RBM20: variants seen among roughly 807,000 people sequenced by gnomAD.
RBM20 encodes the protein RNA binding motif protein 20.
A neutral mutation model predicts 110.1 loss-of-function variants in RBM20; 51 were observed. The observed-to-expected ratio is 0.46, with a 90% CI of 0.37 to 0.59. The LOEUF is 0.59. RBM20 is among the 20% of genes least tolerant of loss of function. RBM20 has a pLI of 0.00. For missense variants in RBM20, 1,512 were observed against 1,574.9 expected (o/e 0.96, Z 0.68); for synonymous variants, 589 against 618.2 (o/e 0.95, Z 0.70).
intron 1 of RBM20, among the ~76,000 whole-genome samples, chr10:110,714,705 A>C (rs1464223709): frequency 6.6e-6 from 1 of 152,202 alleles, no homozygotes; most frequent in Non-Finnish European, 1.5e-5. Context: ...CAGGTGAGGC[A>C]GTCCTTCCTG....
At chr10:110,669,112 T>C (rs1483567143) in intron 1 of RBM20, among the ~76,000 whole-genome samples, 1 of 152,214 alleles carries the variant, frequency 6.6e-6, no homozygotes, top group African/African-American at 2.4e-5. Flanking sequence ...AAATCTTCCT[T>C]CGTTTTTTCT....
rs77222484 is a variant in RBM20 at position 110,836,327 on chromosome 10, C to T, written c.*349C>T. 1.2e-5 allele frequency: 2 copies of T among 165,720 alleles called. No homozygotes were observed. The highest frequency in any genetic ancestry group is 3.4e-4 in the East Asian group (2 of 5,836). The allele number at this position is 165,720 out of a possible 1,614,324, so 10.3% of individuals were successfully genotyped here. A position where few individuals can be genotyped will look rare whatever the true frequency, so the allele number is the denominator to read the frequency against. ...TTCCTTTTCACAAAACCCAACTTCT[C>T]AGGGATTTTCACAGTGTTTAAATTC... On this transcript the variant is annotated 3_prime_UTR_variant, in exon 14 of 14. Coordinates refer to ENST00000369519, the MANE Select transcript of RBM20 (RefSeq NM_001134363.3).
At chr10:110,764,288 A>G (rs1246087666) in intron 1 of RBM20, among the ~76,000 whole-genome samples, 1 of 144,090 alleles carries the variant, frequency 6.9e-6, no homozygotes, top group African/African-American at 2.6e-5. Context: ...CAAACAAACA[A>G]ACAGACCACC....
intron 1 of RBM20, among the ~76,000 whole-genome samples, chr10:110,722,195 GATTA>G (rs1217493774): frequency 3.3e-5 from 5 of 152,158 alleles, no homozygotes; most frequent in Non-Finnish European, 5.9e-5. Context: ...GATTTGAAAT[GATTA>G]ATGGGAAGAT....
intron 1 of RBM20, among the ~76,000 whole-genome samples, chr10:110,767,116 ACC>A (rs1170862405): frequency 1.6e-5 from 1 of 62,340 alleles, no homozygotes; most frequent in Non-Finnish European, 3.2e-5. Context: ...GGGGCGGCTG[ACC>A]CCCCCCACCT....
At chr10:110,802,621 T>C (rs1171420146) in intron 7 of RBM20, among the ~76,000 whole-genome samples, 1 of 152,210 alleles carries the variant, frequency 6.6e-6, no homozygotes. Context: ...TACCAAAGCA[T>C]AGCAATACCT....
chr10:110,697,164 G>A (rs7078088), intron 1 of RBM20, among the ~76,000 whole-genome samples: 2,402 of 152,222 alleles, frequency 0.016, 70 homozygotes, highest in African/African-American at 0.055. Context: ...AGATTTAAAA[G>A]TTGGGGGATT....
intron 1 of RBM20, among the ~76,000 whole-genome samples, chr10:110,775,276 A>T (rs1170298367): frequency 6.6e-6 from 1 of 152,236 alleles, no homozygotes; most frequent in East Asian, 1.9e-4. Context: ...GAAATGGCGC[A>T]TTCACCACTC....
intron 1 of RBM20, among the ~76,000 whole-genome samples, chr10:110,658,258 G>T (rs1160953018): frequency 6.6e-6 from 1 of 152,202 alleles, no homozygotes; most frequent in Non-Finnish European, 1.5e-5. Flanking sequence ...GTTCGGTGGA[G>T]CAGGGGAAAC....
intron 12 of RBM20, among the ~76,000 whole-genome samples, chr10:110,825,635 A>G (rs1564666167): frequency 1.3e-5 from 2 of 152,198 alleles, no homozygotes. Context: ...TAGAGAACAC[A>G]TTCTTTTTAA....
At chr10:110,801,160 G>A (rs1844617518) in intron 7 of RBM20, among the ~76,000 whole-genome samples, 1 of 152,136 alleles carries the variant, frequency 6.6e-6, no homozygotes, top group Non-Finnish European at 1.5e-5. Context: ...CGGGCGTGGT[G>A]GCTCACCCCT....
At chr10:110,782,433 A>C (rs1844366280) in intron 2 of RBM20, among the ~76,000 whole-genome samples, 1 of 152,262 alleles carries the variant, frequency 6.6e-6, no homozygotes, top group African/African-American at 2.4e-5. Flanking sequence ...GAGTTCCTGC[A>C]AACAGAGGTA....
chr10:110,676,255 A>G (rs1862337435), intron 1 of RBM20, among the ~76,000 whole-genome samples: 1 of 152,230 alleles, frequency 6.6e-6, no homozygotes, highest in Non-Finnish European at 1.5e-5. Context: ...GGATATGCTG[A>G]AATTCCCAGT....
intron 1 of RBM20, among the ~76,000 whole-genome samples, chr10:110,702,083 TC>T (rs753280736): frequency 1.1e-4 from 17 of 152,000 alleles, no homozygotes; most frequent in Non-Finnish European, 2.2e-4. Context: ...CTCCTCACCT[TC>T]CCTCTGAAAT....
chr10:110,709,492 G>A (rs1327588467), intron 1 of RBM20, among the ~76,000 whole-genome samples: 1 of 151,826 alleles, frequency 6.6e-6, no homozygotes, highest in Non-Finnish European at 1.5e-5. Flanking sequence ...TTTTCTGTCT[G>A]TAGGCAGAAA....
chr10:110,767,071 G>T (rs1420271477), intron 1 of RBM20, among the ~76,000 whole-genome samples: 1 of 88,440 alleles, frequency 1.1e-5, no homozygotes, highest in Admixed American at 1.1e-4. Flanking sequence ...GCGGCTGGCC[G>T]GGCGGGGGGT....
chr10:110,688,032 TGTGTA>T (rs1862531780), intron 1 of RBM20, among the ~76,000 whole-genome samples: 1 of 144,698 alleles, frequency 6.9e-6, no homozygotes, highest in Non-Finnish European at 1.5e-5. Flanking sequence ...TGTGTGTGTG[TGTGTA>T]TGTGTGTGTA....
intron 1 of RBM20, among the ~76,000 whole-genome samples, chr10:110,680,803 G>A (rs867041347): frequency 1.3e-5 from 2 of 152,262 alleles, no homozygotes; most frequent in South Asian, 2.1e-4. Flanking sequence ...GGTGCTTCTC[G>A]AGGGTCCGTT....
chr10:110,812,812 T>C lies in RBM20; in HGVS notation c.2415T>C (p.Asp805=). ...HPHPDDSGKE[D]GLGPKVTRAP... The stretch of plus-strand genomic sequence containing the variant: ...ATCCGGATGACTCAGGCAAGGAAGA[T>C]GGGCTGGGGCCAAAGGTCACTAGGG... The change falls in exon 9 of 14, where the codon GAT becomes GAC. Residue 805 remains aspartate (D), a synonymous_variant. Coordinates refer to ENST00000369519, the MANE Select transcript of RBM20 (RefSeq NM_001134363.3). 6.5e-7 allele frequency: 1 copy of C among 1,550,208 alleles called. No individual in the cohort carries two copies. Among genetic ancestry groups the C allele is most frequent in the Non-Finnish European group, 8.7e-7 (1 of 1,146,078 alleles).
Sources: gnomAD v4.1 joint callset for allele counts (sites outside exome capture counted in the v4.1 genomes callset) on GRCh38, gnomAD v4.1.1 for gene constraint, MANE v1.5 for transcripts, NCBI Gene and HGNC (gene_info 2026-07-23, HGNC 2026-07-21) for gene names.